BEGAIN: variants seen among roughly 807,000 people sequenced by gnomAD.
BEGAIN encodes brain-enriched guanylate kinase-associated protein.
A neutral mutation model predicts 35.8 loss-of-function variants in BEGAIN; 19 were observed. The ratio of observed to expected loss-of-function variants is 0.53; its 90% CI spans 0.37 to 0.78. The LOEUF is 0.78. BEGAIN is among the 30% of genes least tolerant of loss of function. BEGAIN has a pLI of 0.00. For synonymous variants in BEGAIN, 462 were observed against 388.6 expected, an observed-to-expected ratio of 1.19 and a Z score of -2.22; for missense variants, 795 against 853.6, an observed-to-expected ratio of 0.93 and a Z score of 0.85.
chr14:100,568,519 T>G lies in BEGAIN; in HGVS notation c.43-580A>C. The G allele has an allele frequency of 3.1e-6, 4 of 1,286,628 alleles. No homozygotes were observed. Among genetic ancestry groups the G allele is most frequent in the Admixed American group, 4.6e-5 (2 of 43,338 alleles). The allele number at this position is 1,286,628 out of a possible 1,614,324, so 79.7% of individuals were successfully genotyped here. ...CCGCTGCCCTCAGATTCTGGGGTTT[T>G]GGGCCTGGCTTGCCCCTCCCGGGCC... is the stretch of plus-strand genomic sequence containing the variant. On this transcript the variant is annotated intron_variant, in intron 1 of 6. Coordinates refer to ENST00000554140, the MANE Select transcript of BEGAIN (RefSeq NM_001385089.1). This position sits in a 1 kb window ranked among gnomAD's most constrained non-coding sequence, Gnocchi z 7.5.
chr14:100,550,697 T>C (rs1313091405), intron 2 of BEGAIN, among the ~76,000 whole-genome samples: 2 of 152,084 alleles, frequency 1.3e-5, no homozygotes, highest in East Asian at 1.9e-4. Flanking sequence ...GGGATGTGGG[T>C]ACCAGAGAAG....
chr14:100,582,778 C>A (rs1409915182), intron 1 of BEGAIN, among the ~76,000 whole-genome samples: 1 of 152,022 alleles, frequency 6.6e-6, no homozygotes, highest in South Asian at 2.1e-4. Context: ...TCTTCCAGGG[C>A]AAAGCGGGCC....
Position 100,553,268 on chromosome 14 carries a change from G to C in BEGAIN, c.72-6606C>G, listed in dbSNP as rs545600331. On this transcript the variant is annotated intron_variant, in intron 2 of 6. Coordinates refer to ENST00000554140, the MANE Select transcript of BEGAIN (RefSeq NM_001385089.1). ...TCACTGGTGAGATGCCCCTCCCGCC[G>C]CCTCTCAGCCCTGAGAGGGATGCCA... 2.0e-5 allele frequency among the ~76,000 whole-genome samples: 3 copies of C among 152,160 alleles called. No individual in the cohort carries two copies. In the South Asian group the frequency reaches 6.2e-4, roughly 32 times the overall value.
At chr14:100,566,379 G>A (rs1055291331) in intron 2 of BEGAIN, among the ~76,000 whole-genome samples, 6 of 152,240 alleles carry the variant, frequency 3.9e-5, no homozygotes, top group Admixed American at 1.3e-4. Context: ...AATAGGTGCC[G>A]GAGAGCCTTG....
intron 1 of BEGAIN, among the ~76,000 whole-genome samples, chr14:100,572,077 T>A (rs932853236): frequency 1.3e-5 from 2 of 152,144 alleles, no homozygotes; most frequent in Admixed American, 6.5e-5. Flanking sequence ...CTGGGCAGCA[T>A]CCTTCCTGCT....
At position 100,567,504 on chromosome 14, in the gene BEGAIN, T is replaced by C. The variant is rs1044210445; in HGVS notation, c.71+407A>G. Among the ~76,000 whole-genome samples, 3 of 108,568 alleles carry C rather than the reference T, an allele frequency of 2.8e-5. No homozygotes were observed. The East Asian group carries it at 9.1e-4, about 33-fold the overall frequency. The allele number at this position is 108,568 out of a possible 152,430, so 71.2% of individuals were successfully genotyped here. The stretch of plus-strand genomic sequence containing the variant: ...GGCTGGGGCGGGTGGTGGTTGGGGG[T>C]GGGGTGGGGTCGGGGGAGAGAGCGC... On this transcript the variant is annotated intron_variant, in intron 2 of 6. Coordinates refer to ENST00000554140, the MANE Select transcript of BEGAIN (RefSeq NM_001385089.1). The surrounding 1 kb of genome is among the most constrained non-coding windows in gnomAD (Gnocchi z 5.1).
rs534378535 is a variant in BEGAIN, at chr14:100,539,763, A to G, written c.493-448T>C. ...GGCATGACCCACTCCCCAGCCCCCC[A>G]GTCATGCTGCTGGAGCGCTCCTGAA... On this transcript the variant is annotated intron_variant, in intron 6 of 6. Coordinates refer to ENST00000554140, the MANE Select transcript of BEGAIN (RefSeq NM_001385089.1). Among the ~76,000 whole-genome samples, 850 of 147,924 alleles carry G rather than the reference A, an allele frequency of 5.7e-3. 5 individuals are homozygous for G. Among genetic ancestry groups the G allele is most frequent in the African/African-American group, 0.02 (795 of 40,186 alleles).
At chr14:100,552,469 A>G (rs569991875) in intron 2 of BEGAIN, among the ~76,000 whole-genome samples, 97 of 152,366 alleles carry the variant, frequency 6.4e-4, no homozygotes, top group African/African-American at 2.3e-3. Context: ...ATCACAAAGC[A>G]AGCCTCGGTG....
chr14:100,568,535 C>T lies in BEGAIN; in HGVS notation c.43-596G>A. 2 of 1,285,334 alleles carry T rather than the reference C, an allele frequency of 1.6e-6. No individual in the cohort carries two copies. Among genetic ancestry groups the T allele is most frequent in the South Asian group, 2.5e-5 (2 of 80,550 alleles). 79.6% of individuals were successfully genotyped at this position (1,285,334 alleles called of 1,614,324 possible). A position where few individuals can be genotyped will look rare whatever the true frequency, so the allele number is the denominator to read the frequency against. The stretch of plus-strand genomic sequence containing the variant: ...CTGGGGTTTTGGGCCTGGCTTGCCC[C>T]TCCCGGGCCCCAGGGATTAACCCGT... On this transcript the variant is annotated intron_variant, in intron 1 of 6. Transcript: ENST00000554140. This position sits in a 1 kb window ranked among gnomAD's most constrained non-coding sequence, Gnocchi z 7.5.
In BEGAIN at chr14:100,539,064, A is replaced by G; in HGVS notation, c.744T>C (p.Ser248=). 1.2e-6 allele frequency: 2 copies of G among 1,612,562 alleles called. No individual in the cohort carries two copies. Among genetic ancestry groups the G allele is most frequent in the African/African-American group, 1.3e-5 (1 of 75,036 alleles). ...RPPYKGDIYC[S]DTALYCPEER... The stretch of plus-strand genomic sequence containing the variant: ...CCTCCGGGCAGTAGAGGGCTGTGTC[A>G]CTGCAGTAGATGTCTCCCTTGTAGG... The change falls in exon 7 of 7, where the codon AGT becomes AGC. Residue 248 remains serine (S), a synonymous_variant. Coordinates refer to ENST00000554140, the MANE Select transcript of BEGAIN (RefSeq NM_001385089.1).
At chr14:100,582,163 T>C (rs1033420526) in intron 1 of BEGAIN, among the ~76,000 whole-genome samples, 6 of 152,212 alleles carry the variant, frequency 3.9e-5, no homozygotes, top group Non-Finnish European at 8.8e-5. Context: ...TCTTTTGTTT[T>C]TGAGACAGGT....
intron 4 of BEGAIN, among the ~76,000 whole-genome samples, chr14:100,544,393 T>C (rs11628341): frequency 0.43 from 65,622 of 152,064 alleles, 14,688 homozygotes; most frequent in East Asian, 0.67. Context: ...CCGTCTCTGA[T>C]AGCACCACAA....
intron 2 of BEGAIN, among the ~76,000 whole-genome samples, chr14:100,554,902 C>T (rs1382603657): frequency 6.6e-6 from 1 of 152,232 alleles, no homozygotes; most frequent in African/African-American, 2.4e-5. Flanking sequence ...TCCCGCCAGG[C>T]ACGCTGGCCT....
chr14:100,550,588 G>A, intron 2 of BEGAIN: 2 of 398,520 alleles, frequency 5.0e-6, no homozygotes, highest in Non-Finnish European at 8.9e-6. Flanking sequence ...CCACCATCAG[G>A]GGCACAGCCA....
At chr14:100,582,235 C>T (rs1331368148) in intron 1 of BEGAIN, among the ~76,000 whole-genome samples, 2 of 152,182 alleles carry the variant, frequency 1.3e-5, no homozygotes, top group East Asian at 3.8e-4. Context: ...ACCTCTGACT[C>T]CCCGGTTTAA....
At chr14:100,554,181 C>T (rs895669010) in intron 2 of BEGAIN, among the ~76,000 whole-genome samples, 10 of 152,232 alleles carry the variant, frequency 6.6e-5, no homozygotes, top group East Asian at 3.9e-4. Context: ...CATGGGAGCC[C>T]GGAGCTCAGA....
chr14:100,575,631 T>C (rs73352978), intron 1 of BEGAIN, among the ~76,000 whole-genome samples: 7,713 of 151,980 alleles, frequency 0.051, 693 homozygotes, highest in African/African-American at 0.18. Context: ...GATACGATCC[T>C]GGGGGGCTGG....
At position 100,573,508 on chromosome 14, in the gene BEGAIN, A is replaced by G. The variant is rs1197434410; in HGVS notation, c.43-5569T>C. ...GGATGAATGGGGGCGTCTCTGGCAC[A>G]CCACTGTGTGGAGAGGGGCAAGTGC... is the stretch of plus-strand genomic sequence containing the variant. On this transcript the variant is annotated intron_variant, in intron 1 of 6. Coordinates refer to ENST00000554140, the MANE Select transcript of BEGAIN (RefSeq NM_001385089.1). This position sits in a 1 kb window ranked among gnomAD's most constrained non-coding sequence, Gnocchi z 4.2. 1.3e-5 allele frequency among the ~76,000 whole-genome samples: 2 copies of G among 152,088 alleles called. No individual in the cohort carries two copies. Among genetic ancestry groups the G allele is most frequent in the Non-Finnish European group, 2.9e-5 (2 of 67,988 alleles).
At chr14:100,566,681 C>T (rs2034713187) in intron 2 of BEGAIN, among the ~76,000 whole-genome samples, 1 of 152,198 alleles carries the variant, frequency 6.6e-6, no homozygotes, top group African/African-American at 2.4e-5. Context: ...TGGACCTTGG[C>T]CACGACAAGG....
Sources: gnomAD v4.1 joint callset for allele counts (sites outside exome capture counted in the v4.1 genomes callset) on GRCh38, gnomAD v4.1.1 for gene constraint, Gnocchi (gnomAD v3.1) non-coding constraint, MANE v1.5 for transcripts, NCBI Gene and HGNC (gene_info 2026-07-23, HGNC 2026-07-21) for gene names.